Variants in SLC44A5 observed in about 807,000 individuals in gnomAD.
SLC44A5 encodes the protein choline transporter-like protein 5.
In SLC44A5, 57 loss-of-function variants were observed where a neutral mutation model predicts 101.8. The observed-to-expected ratio is 0.56, with a 90% confidence interval of 0.45 to 0.70. SLC44A5 has a LOEUF of 0.70. SLC44A5 is among the 30% of genes least tolerant of loss of function. SLC44A5 has a pLI of 0.00. For missense variants in SLC44A5, 737 were observed against 853.1 expected (o/e 0.86, Z 1.70); for synonymous variants, 281 against 290.9 (o/e 0.97, Z 0.35).
At chr1:75,588,696 C>T (rs1426623684) in intron 1 of SLC44A5, among the ~76,000 whole-genome samples, 1 of 151,964 alleles carries the variant, frequency 6.6e-6, no homozygotes, top group Admixed American at 6.6e-5. Flanking sequence ...GATTGTTCTT[C>T]CTGAAATAAA....
At chr1:75,612,781 A>C (rs1488022762), upstream of SLC44A5, among the ~76,000 whole-genome samples, 1 of 151,954 alleles carries the variant, frequency 6.6e-6, no homozygotes, top group East Asian at 1.9e-4. Context: ...TAAGTAATTG[A>C]GCAAGAAGTC....
Position 75,570,267 on chromosome 1 carries a change from A to G in SLC44A5, c.-69-28751T>C, listed in dbSNP as rs540748989. Among the ~76,000 whole-genome samples, 16 of 152,342 alleles carry G rather than the reference A, an allele frequency of 1.1e-4. No homozygotes were observed. The East Asian group carries it at 3.1e-3, about 29-fold the overall frequency. ...ATGTAAGTAACTAACAGAATCTACT[A>G]CAAACAATAACAGAAAGAAGGAAGG... On this transcript the variant is annotated intron_variant, in intron 1 of 23. Transcript: ENST00000370859.
chr1:75,521,114 A>G (rs1670096540), intron 2 of SLC44A5, among the ~76,000 whole-genome samples: 1 of 152,228 alleles, frequency 6.6e-6, no homozygotes, highest in Non-Finnish European at 1.5e-5. Context: ...AACCTTACAC[A>G]AGGACACAAA....
chr1:75,410,873 G>A (rs1247574393), intron 2 of SLC44A5, among the ~76,000 whole-genome samples: 1 of 152,242 alleles, frequency 6.6e-6, no homozygotes, highest in East Asian at 1.9e-4. Context: ...TGTGCTAACG[G>A]TGTGACACTA....
At chr1:75,408,622 A>G (rs1663061737) in intron 2 of SLC44A5, among the ~76,000 whole-genome samples, 1 of 148,966 alleles carries the variant, frequency 6.7e-6, no homozygotes, top group African/African-American at 2.5e-5. Flanking sequence ...AAAACCAAAC[A>G]CCACATGTTC....
chr1:75,287,128 G>GT (rs1039090429), intron 5 of SLC44A5, among the ~76,000 whole-genome samples: 23 of 150,442 alleles, frequency 1.5e-4, no homozygotes, highest in South Asian at 1.3e-3. Context: ...TGGAGGCTTT[G>GT]TTTTTTTTTA....
chr1:75,525,562 A>G (rs1670363093), intron 2 of SLC44A5, among the ~76,000 whole-genome samples: 1 of 152,150 alleles, frequency 6.6e-6, no homozygotes. Flanking sequence ...AGGGATTTTG[A>G]GATTAAAAGA....
chr1:75,348,724 T>G (rs956570364), intron 3 of SLC44A5, among the ~76,000 whole-genome samples: 1 of 152,094 alleles, frequency 6.6e-6, no homozygotes, highest in Non-Finnish European at 1.5e-5. Context: ...AAGAAAGAAC[T>G]AGATCATTAG....
chr1:75,668,315 CTTTTT>C, the SLC44A5 span, among the ~76,000 whole-genome samples: 4 of 65,088 alleles, frequency 6.1e-5, no homozygotes, highest in African/African-American at 2.3e-4. Flanking sequence ...TCCTAGGAGC[CTTTTT>C]TTTTTTTTTT....
At chr1:75,704,342 G>A in the SLC44A5 span, among the ~76,000 whole-genome samples, 3 of 151,844 alleles carry the variant, frequency 2.0e-5, no homozygotes, top group Non-Finnish European at 2.9e-5. Flanking sequence ...AATAAAGCTC[G>A]GCAGAACATG....
chr1:75,643,987 G>A, the SLC44A5 span, among the ~76,000 whole-genome samples: 82 of 152,158 alleles, frequency 5.4e-4, 1 homozygote. Context: ...TTCATTCAGG[G>A]CTAAAACACT....
intron 4 of SLC44A5, 36 bp downstream of exon 4, chr1:75,339,546 T>C (rs1259025305): frequency 3.2e-6 from 5 of 1,576,742 alleles, no homozygotes; most frequent in Middle Eastern, 1.7e-4. Flanking sequence ...CTGTGTATGT[T>C]TAAAAAAGCA....
chr1:75,677,843 T>G, the SLC44A5 span: 1 of 380,470 alleles, frequency 2.6e-6, no homozygotes, highest in Admixed American at 3.7e-5. Flanking sequence ...CATTTCCATC[T>G]GAGGTACCGG....
At chr1:75,613,749 A>G (rs575274076), upstream of SLC44A5, among the ~76,000 whole-genome samples, 169 of 152,376 alleles carry the variant, frequency 1.1e-3, 1 homozygote, top group Non-Finnish European at 1.6e-3. Flanking sequence ...CTTAACTGCT[A>G]TTCTTCAATT....
At chr1:75,688,588 G>A in the SLC44A5 span, among the ~76,000 whole-genome samples, 98,477 of 151,956 alleles carry the variant, frequency 0.65, 32,035 homozygotes, top group East Asian at 0.72. Flanking sequence ...TAGACCTGCA[G>A]CTCATCCTAC....
chr1:75,274,877 C>G, intron 6 of SLC44A5, 81 bp downstream of exon 6: 1 of 1,088,904 alleles, frequency 9.2e-7, no homozygotes, highest in Non-Finnish European at 1.4e-6. Context: ...CTTAAGAAGT[C>G]TGGTAGGATT....
At chr1:75,478,736 C>A (rs368212006) in intron 2 of SLC44A5, among the ~76,000 whole-genome samples, 3,691 of 152,046 alleles carry the variant, frequency 0.024, 131 homozygotes, top group African/African-American at 0.074. Flanking sequence ...ATACAGGAGC[C>A]CCCAGATTCA....
At chr1:75,671,545 T>C in the SLC44A5 span, among the ~76,000 whole-genome samples, 2 of 152,194 alleles carry the variant, frequency 1.3e-5, no homozygotes, top group African/African-American at 4.8e-5. Context: ...CTATAAGTTC[T>C]CTGAGAACAG....
chr1:75,588,530 G>GA (rs1169606824), intron 1 of SLC44A5, among the ~76,000 whole-genome samples: 10 of 149,894 alleles, frequency 6.7e-5, no homozygotes, highest in South Asian at 4.2e-4. Flanking sequence ...CGAAAGTTCG[G>GA]AAAAAAAAAG....
Sources: allele counts gnomAD v4.1 joint callset (sites outside exome capture counted in the v4.1 genomes callset), GRCh38; gene constraint gnomAD v4.1.1; transcripts MANE v1.5; gene names NCBI Gene and HGNC (gene_info 2026-07-23, HGNC 2026-07-21).